PDZD8: variants seen among roughly 807,000 people sequenced by gnomAD.
The protein encoded by PDZD8 is PDZ domain containing 8.
In PDZD8, 14 loss-of-function variants were observed where a neutral mutation model predicts 85.8. The ratio of observed to expected loss-of-function variants is 0.16; its 90% CI spans 0.11 to 0.26. The LOEUF (loss-of-function observed/expected upper bound fraction) is 0.26. Among genes scored for constraint, PDZD8 ranks in the 10% least tolerant of loss-of-function variants. PDZD8 has a pLI of 1.00. For synonymous variants in PDZD8, 592 were observed against 568.6 expected (o/e 1.04, Z -0.59); for missense variants, 1,197 against 1,424.3 (o/e 0.84, Z 2.57).
intron 1 of PDZD8, among the ~76,000 whole-genome samples, chr10:117,372,668 T>C (rs1845214158): frequency 6.6e-6 from 1 of 152,184 alleles, no homozygotes; most frequent in Non-Finnish European, 1.5e-5. Flanking sequence ...AGGTTAAAAG[T>C]AGGTTTCATA....
intron 2 of PDZD8, among the ~76,000 whole-genome samples, chr10:117,332,245 A>C (rs1844430456): frequency 6.6e-6 from 1 of 152,134 alleles, no homozygotes; most frequent in Admixed American, 6.5e-5. Context: ...TACAAATTTA[A>C]ATGTCTTATG....
chr10:117,344,846 T>C (rs1844677756), intron 1 of PDZD8, among the ~76,000 whole-genome samples: 1 of 152,146 alleles, frequency 6.6e-6, no homozygotes, highest in Non-Finnish European at 1.5e-5. Flanking sequence ...AGGAGGGGGA[T>C]TCCTTCATTG....
chr10:117,327,089 G>A (rs1015466714), intron 2 of PDZD8, among the ~76,000 whole-genome samples: 3 of 152,158 alleles, frequency 2.0e-5, no homozygotes, highest in African/African-American at 4.8e-5. Flanking sequence ...TCCGTGAAAC[G>A]TCAAATGGTC....
intron 3 of PDZD8, among the ~76,000 whole-genome samples, chr10:117,306,871 C>A (rs1843952606): frequency 6.6e-6 from 1 of 152,058 alleles, no homozygotes; most frequent in Non-Finnish European, 1.5e-5. Flanking sequence ...ATGTCATTAA[C>A]TTCTAAATAT....
chr10:117,329,658 C>A (rs1564701701), intron 2 of PDZD8, among the ~76,000 whole-genome samples: 1 of 151,856 alleles, frequency 6.6e-6, no homozygotes, highest in African/African-American at 2.4e-5. Context: ...AAGAAAAGTA[C>A]AAAATGATGG....
Position 117,283,622 on chromosome 10 carries a change from C to T in PDZD8, c.3111G>A (p.Glu1037=), listed in dbSNP as rs1024646090. 6.2e-7 allele frequency: 1 copy of T among 1,614,190 alleles called. No homozygotes were observed. Among genetic ancestry groups the T allele is most frequent in the East Asian group, 2.2e-5 (1 of 44,886 alleles). ...LPTEERIQKL[E]FMLDKLQNEI... is the part of the protein sequence containing the mutation. Reference sequence around the variant, plus strand: ...CATTCTGTAGCTTATCCAACATGAACTCTAGTTTCTGGATCCTTTCCTCTG... The same window carrying T: ...CATTCTGTAGCTTATCCAACATGAATTCTAGTTTCTGGATCCTTTCCTCTG... Residue 1037 remains glutamate, a synonymous_variant, in exon 5 of 5, where the codon GAG becomes GAA. Coordinates refer to ENST00000334464, the MANE Select transcript of PDZD8 (RefSeq NM_173791.5).
intron 4 of PDZD8, among the ~76,000 whole-genome samples, chr10:117,286,760 A>G (rs1476093359): frequency 6.6e-6 from 1 of 152,124 alleles, no homozygotes. Flanking sequence ...TCAAGATTAC[A>G]ACGATGTTCT....
intron 2 of PDZD8, among the ~76,000 whole-genome samples, chr10:117,340,324 A>G (rs1329150267): frequency 2.6e-5 from 4 of 152,174 alleles, no homozygotes; most frequent in Admixed American, 2.6e-4. Flanking sequence ...TTCAGCAAAG[A>G]ACTCTGCGAA....
At chr10:117,310,185 A>C (rs988123994) in intron 3 of PDZD8, among the ~76,000 whole-genome samples, 9 of 152,170 alleles carry the variant, frequency 5.9e-5, no homozygotes, top group African/African-American at 2.2e-4. Flanking sequence ...CTCATCTTGA[A>C]CTGGCCTCTC....
In PDZD8 at chr10:117,330,016, G is replaced by GGGAT. The variant is rs1426078354; in HGVS notation, c.995+10963_995+10964insATCC. Among the ~76,000 whole-genome samples, 94 of 72,098 alleles carry GGGAT rather than the reference G, an allele frequency of 1.3e-3. 7 individuals are homozygous for GGGAT. Among genetic ancestry groups the GGGAT allele is most frequent in the African/African-American group, 3.6e-3 (65 of 17,860 alleles). 47.3% of individuals were successfully genotyped at this position (72,098 alleles called of 152,430 possible). ...AGGAAGGAAGGGAGGGAGGGAGGGA[G>GGGAT]GGAGGGAGGGAAGGAGGGAGGGAGG... On this transcript the variant is annotated intron_variant, in intron 2 of 4. Transcript: ENST00000334464.
At chr10:117,308,809 A>C (rs1272158913) in intron 3 of PDZD8, among the ~76,000 whole-genome samples, 1 of 152,156 alleles carries the variant, frequency 6.6e-6, no homozygotes, top group Non-Finnish European at 1.5e-5. Flanking sequence ...CAGAGATAAT[A>C]ATAGTGCCTA....
At chr10:117,332,754 A>G (rs1416794067) in intron 2 of PDZD8, among the ~76,000 whole-genome samples, 1 of 150,784 alleles carries the variant, frequency 6.6e-6, no homozygotes, top group African/African-American at 2.4e-5. Context: ...TGATCCACCC[A>G]CCTCGGCCTC....
rs185178193 is a variant in PDZD8, at chr10:117,317,065, G to T, written c.1098+1807C>A. Among the ~76,000 whole-genome samples the T allele has an allele frequency of 1.1e-4, 17 of 152,260 alleles. No homozygotes were observed. The East Asian group carries it at 3.1e-3, about 28-fold the overall frequency. On this transcript the variant is annotated intron_variant, in intron 3 of 4. Transcript: ENST00000334464. The stretch of plus-strand genomic sequence containing the variant: ...TAACGAAGATGAAGGAGGAAGCTAT[G>T]TTCCTAGATTACAGTATTATACTCC...
chr10:117,290,268 G>A lies in PDZD8; in HGVS notation c.1179C>T (p.His393=), dbSNP rs766633276. Residue 393 remains histidine (H), a synonymous_variant, in exon 4 of 5, where the codon CAC becomes CAT. Coordinates refer to ENST00000334464, the MANE Select transcript of PDZD8 (RefSeq NM_173791.5). ...TTGGAGCCACAGTTTCAATGATGACGTGCCCAGCATACCCATCAGTTGACT... is the reference window on the plus strand; with the variant it reads ...TTGGAGCCACAGTTTCAATGATGACATGCCCAGCATACCCATCAGTTGACT... ...LVQSTDGYAG[H]VIIETVAPNS... The A allele has an allele frequency of 6.2e-6, 10 of 1,613,772 alleles. No individual in the cohort carries two copies. Among genetic ancestry groups the A allele is most frequent in the African/African-American group, 1.3e-5 (1 of 74,904 alleles).
At chr10:117,350,891 G>GAAAAAAAA (rs11315947) in intron 1 of PDZD8, among the ~76,000 whole-genome samples, 1 of 127,672 alleles carries the variant, frequency 7.8e-6, no homozygotes. Context: ...GTGACAAAGT[G>GAAAAAAAA]AAAAAAAAAA....
Position 117,375,410 on chromosome 10 carries a change from G to T in PDZD8, c.-183C>A. ...GGCGCCCGAGCCCGCAGCGGCCCGC[G>T]CCTCCTCAGACGCTCCCGAAGGGCC... is the stretch of plus-strand genomic sequence containing the variant. On this transcript the variant is annotated 5_prime_UTR_variant, in exon 1 of 5. Transcript: ENST00000334464. 1 of 317,908 alleles carries T rather than the reference G, an allele frequency of 3.1e-6. No homozygotes were observed. The highest frequency in any genetic ancestry group is 5.6e-6 in the Non-Finnish European group (1 of 179,032). 19.7% of individuals were successfully genotyped at this position (317,908 alleles called of 1,614,324 possible).
intron 2 of PDZD8, among the ~76,000 whole-genome samples, chr10:117,336,783 A>T (rs1844522857): frequency 1.3e-5 from 2 of 152,170 alleles, no homozygotes; most frequent in Non-Finnish European, 2.9e-5. Context: ...ATAAAAATTC[A>T]TGGGTCAATG....
At chr10:117,322,469 T>C (rs1179269058) in intron 2 of PDZD8, among the ~76,000 whole-genome samples, 1 of 152,178 alleles carries the variant, frequency 6.6e-6, no homozygotes, top group Non-Finnish European at 1.5e-5. Context: ...GAGAAGGCAC[T>C]TGACTTTTGG....
intron 3 of PDZD8, among the ~76,000 whole-genome samples, chr10:117,308,614 T>C (rs74159176): frequency 0.028 from 4,242 of 152,074 alleles, 220 homozygotes; most frequent in African/African-American, 0.099. Context: ...AGAGCGAGAG[T>C]GGAAAAAGCT....
Sources: gnomAD v4.1 joint callset for allele counts (sites outside exome capture counted in the v4.1 genomes callset) on GRCh38, gnomAD v4.1.1 for gene constraint, MANE v1.5 for transcripts, NCBI Gene and HGNC (gene_info 2026-07-23, HGNC 2026-07-21) for gene names.